ARHGAP18: variants seen among roughly 807,000 people sequenced by gnomAD.
The protein encoded by ARHGAP18 is rho GTPase-activating protein 18.
In ARHGAP18, 67 loss-of-function variants were observed where a neutral mutation model predicts 86.2. That is an observed-to-expected ratio of 0.78 (90% CI 0.64 to 0.95). The LOEUF (loss-of-function observed/expected upper bound fraction) is 0.95. Ranked by LOEUF, ARHGAP18 falls within the 40% of genes least tolerant of loss-of-function variation. ARHGAP18 has a pLI of 0.00. For synonymous variants in ARHGAP18, 283 were observed against 280.4 expected (o/e 1.01, Z -0.09); for missense variants, 691 against 780.4 (o/e 0.89, Z 1.37).
intron 1 of ARHGAP18, among the ~76,000 whole-genome samples, chr6:129,667,207 T>TC (rs1023573200): frequency 2.6e-5 from 4 of 151,902 alleles, no homozygotes; most frequent in African/African-American, 4.9e-5. Flanking sequence ...TATTTTTTTT[T>TC]CCCATGGAAT....
rs570465015 is a variant in ARHGAP18, at chr6:129,667,717, A to G, written c.114-25699T>C. On this transcript the variant is annotated intron_variant, in intron 1 of 14. Transcript: ENST00000368149. ...AATACATACATGGAGGGCAAGGAGAAACTGACAAGAAATTCACTGGTTCCC... is the reference window on the plus strand; with the variant it reads ...AATACATACATGGAGGGCAAGGAGAGACTGACAAGAAATTCACTGGTTCCC... Among the ~76,000 whole-genome samples, 12 of 152,094 alleles carry G rather than the reference A, an allele frequency of 7.9e-5. No homozygotes were observed. In the South Asian group the frequency reaches 2.5e-3, roughly 32 times the overall value.
At chr6:129,627,913 T>G (rs533120594) in intron 5 of ARHGAP18, among the ~76,000 whole-genome samples, 1 of 152,130 alleles carries the variant, frequency 6.6e-6, no homozygotes, top group Non-Finnish European at 1.5e-5. Context: ...TAAAATCCCC[T>G]CTTTGTCTTT....
At chr6:129,580,522 TTCAATAAGTATTTA>T (rs1297811103) in intron 13 of ARHGAP18, among the ~76,000 whole-genome samples, 2 of 152,198 alleles carry the variant, frequency 1.3e-5, no homozygotes, top group East Asian at 3.8e-4. Flanking sequence ...ATTACTCTTA[TTCAATAAGTATTTA>T]TCATGGGTTT....
At chr6:129,599,112 A>G (rs1788681607) in intron 12 of ARHGAP18, 104 bp downstream of exon 12, 2 of 960,888 alleles carry the variant, frequency 2.1e-6, no homozygotes, top group Non-Finnish European at 2.8e-6. Flanking sequence ...ACCACAGCCT[A>G]ATAAGTGGCA....
chr6:129,597,513 T>G (rs1375778653), intron 12 of ARHGAP18, among the ~76,000 whole-genome samples: 3 of 152,098 alleles, frequency 2.0e-5, no homozygotes, highest in African/African-American at 7.2e-5. Flanking sequence ...GTGAAGCCTC[T>G]CTCATGCTTA....
At chr6:129,679,729 C>T (rs1774293087) in intron 1 of ARHGAP18, among the ~76,000 whole-genome samples, 1 of 152,180 alleles carries the variant, frequency 6.6e-6, no homozygotes, top group African/African-American at 2.4e-5. Context: ...CTTTCCATTT[C>T]GTTTTTATTT....
intron 1 of ARHGAP18, among the ~76,000 whole-genome samples, chr6:129,691,948 C>G (rs891188506): frequency 6.6e-6 from 1 of 152,234 alleles, no homozygotes; most frequent in East Asian, 1.9e-4. Flanking sequence ...GCCAGGAGTG[C>G]CTCAGGCAGT....
At chr6:129,613,823 C>T (rs1359513635) in intron 7 of ARHGAP18, among the ~76,000 whole-genome samples, 1 of 150,414 alleles carries the variant, frequency 6.6e-6, no homozygotes, top group East Asian at 1.9e-4. Flanking sequence ...ACTATATTGA[C>T]TCATACATTT....
chr6:129,695,341 T>G (rs937659355), intron 1 of ARHGAP18, among the ~76,000 whole-genome samples: 2 of 152,130 alleles, frequency 1.3e-5, no homozygotes, highest in African/African-American at 2.4e-5. Context: ...ACAAAACTCT[T>G]TTTAATGGAA....
intron 6 of ARHGAP18, among the ~76,000 whole-genome samples, chr6:129,617,548 A>T (rs1046164507): frequency 1.3e-5 from 2 of 152,226 alleles, no homozygotes; most frequent in African/African-American, 2.4e-5. Context: ...GGTATTAAAT[A>T]AAAATGGAAA....
chr6:129,667,469 A>ATGTG (rs376500003), intron 1 of ARHGAP18, among the ~76,000 whole-genome samples: 6,181 of 104,174 alleles, frequency 0.059, 185 homozygotes, highest in Non-Finnish European at 0.086. Context: ...AAAAATATAT[A>ATGTG]TGTGTGTGTG....
intron 5 of ARHGAP18, 44 bp from the exon 6 acceptor site, chr6:129,618,896 AC>A (rs1470016467): frequency 6.5e-7 from 1 of 1,550,310 alleles, no homozygotes. Context: ...ACAGTACCTA[AC>A]CTCCATTGTA....
At chr6:129,675,571 C>T (rs754963062) in intron 1 of ARHGAP18, among the ~76,000 whole-genome samples, 13 of 152,062 alleles carry the variant, frequency 8.5e-5, no homozygotes, top group South Asian at 2.1e-4. Context: ...TTACCACAGA[C>T]ATCTAAAAAA....
rs1185998350 is a variant in ARHGAP18, at chr6:129,576,828, G to T, written c.*1685C>A. ...TCAACCCACTAATAAGTACCATTTT[G>T]CTAATTGGGAAATTAATACATATTG... On this transcript the variant is annotated 3_prime_UTR_variant, in exon 15 of 15. Transcript: ENST00000368149. 6.6e-6 allele frequency: 1 copy of T among 151,408 alleles called. No individual in the cohort carries two copies. The highest frequency in any genetic ancestry group is 2.4e-5 in the African/African-American group (1 of 41,176). The allele number at this position is 151,408 out of a possible 1,614,324, so 9.4% of individuals were successfully genotyped here. A position where few individuals can be genotyped will look rare whatever the true frequency, so the allele number is the denominator to read the frequency against.
chr6:129,648,588 T>C (rs963665354), intron 1 of ARHGAP18, among the ~76,000 whole-genome samples: 9 of 151,094 alleles, frequency 6.0e-5, no homozygotes, highest in African/African-American at 2.2e-4. Flanking sequence ...CCTGGGCAAC[T>C]AATAAGACAC....
chr6:129,673,353 C>CAA (rs201938074), intron 1 of ARHGAP18, among the ~76,000 whole-genome samples: 7,380 of 81,602 alleles, frequency 0.09, 232 homozygotes, highest in Admixed American at 0.14. Flanking sequence ...ATAGTCATGC[C>CAA]AAAAAAAAAA....
chr6:129,703,240 A>G (rs1369856684), intron 1 of ARHGAP18, among the ~76,000 whole-genome samples: 1 of 152,250 alleles, frequency 6.6e-6, no homozygotes, highest in East Asian at 1.9e-4. Context: ...AATTATCAAA[A>G]ACGAGTTAAG....
intron 5 of ARHGAP18, among the ~76,000 whole-genome samples, chr6:129,626,526 T>A (rs1294794638): frequency 6.6e-6 from 1 of 151,846 alleles, no homozygotes; most frequent in African/African-American, 2.4e-5. Context: ...CTCTAAAAAT[T>A]GAAAATAAAA....
chr6:129,646,772 C>T (rs1352926012), intron 1 of ARHGAP18, among the ~76,000 whole-genome samples: 1 of 152,148 alleles, frequency 6.6e-6, no homozygotes, highest in Non-Finnish European at 1.5e-5. Flanking sequence ...TGGGAAACTC[C>T]ACTGTATTCT....
Sources: gnomAD v4.1 joint callset for allele counts (sites outside exome capture counted in the v4.1 genomes callset) on GRCh38, gnomAD v4.1.1 for gene constraint, MANE v1.5 for transcripts, NCBI Gene and HGNC (gene_info 2026-07-23, HGNC 2026-07-21) for gene names.